Variants in TMEM178B observed in about 807,000 individuals in gnomAD.
TMEM178B encodes transmembrane protein 178B.
A neutral mutation model predicts 31.0 loss-of-function variants in TMEM178B; 5 were observed. That is an observed-to-expected ratio of 0.16 (90% CI 0.08 to 0.34). The LOEUF (loss-of-function observed/expected upper bound fraction) is 0.34, where lower values mean the gene tolerates loss of function less well. Ranked by LOEUF, TMEM178B falls within the 10% of genes least tolerant of loss-of-function variation. The probability of loss-of-function intolerance (pLI) is 1.00; values close to 1 mark genes in which losing one functional copy is unlikely to be tolerated. For synonymous variants in TMEM178B, 164 were observed against 164.0 expected, an observed-to-expected ratio of 1.00 and a Z score of 0.00; for missense variants, 275 against 400.3, an observed-to-expected ratio of 0.69 and a Z score of 2.67.
intron 1 of TMEM178B, among the ~76,000 whole-genome samples, chr7:141,137,035 A>G (rs1795686379): frequency 6.6e-6 from 1 of 152,246 alleles, no homozygotes; most frequent in Admixed American, 6.5e-5. Flanking sequence ...TAGAATGGCT[A>G]TGATGAAAAA....
chr7:141,297,583 A>G (rs1215353701), intron 2 of TMEM178B, among the ~76,000 whole-genome samples: 1 of 151,944 alleles, frequency 6.6e-6, no homozygotes, highest in Non-Finnish European at 1.5e-5. Flanking sequence ...TTCAATTCCC[A>G]CCTATGAGTG....
intron 1 of TMEM178B, among the ~76,000 whole-genome samples, chr7:141,128,923 G>A (rs991296022): frequency 1.3e-5 from 2 of 152,002 alleles, no homozygotes; most frequent in African/African-American, 4.8e-5. Context: ...CACCATGATT[G>A]GAGATATATT....
chr7:141,108,529 A>G (rs150059230), intron 1 of TMEM178B, among the ~76,000 whole-genome samples: 131 of 152,298 alleles, frequency 8.6e-4, no homozygotes, highest in African/African-American at 2.9e-3. Flanking sequence ...GATTGCATCA[A>G]TTCTTGGTAT....
At position 141,211,353 on chromosome 7, in the gene TMEM178B, A is replaced by T. The variant is rs375086986; in HGVS notation, c.383-1238A>T. 5.0e-4 allele frequency among the ~76,000 whole-genome samples: 76 copies of T among 152,324 alleles called. 1 individual carries two copies. The South Asian group carries it at 0.015, about 31-fold the overall frequency. ...GCAACTGGGCAGTTGTCCAGATATGATTTACAATAAGGCATCAGTTTCATG... is the reference window on the plus strand; with the variant it reads ...GCAACTGGGCAGTTGTCCAGATATGTTTTACAATAAGGCATCAGTTTCATG... On this transcript the variant is annotated intron_variant, in intron 1 of 3. Coordinates refer to ENST00000565468, the MANE Select transcript of TMEM178B (RefSeq NM_001195278.2).
At chr7:141,500,303 C>A in the TMEM178B span, among the ~76,000 whole-genome samples, 1 of 152,134 alleles carries the variant, frequency 6.6e-6, no homozygotes, top group South Asian at 2.1e-4. Context: ...CATAATGAAG[C>A]CAATACTGCA....
At chr7:141,230,233 G>C (rs1422803419) in intron 2 of TMEM178B, among the ~76,000 whole-genome samples, 2 of 152,084 alleles carry the variant, frequency 1.3e-5, no homozygotes, top group African/African-American at 4.8e-5. Flanking sequence ...CCCAGAATTG[G>C]AACTACTGGC....
chr7:141,397,255 TTAAG>T (rs776177874), intron 2 of TMEM178B, among the ~76,000 whole-genome samples: 15 of 152,226 alleles, frequency 9.9e-5, no homozygotes, highest in Non-Finnish European at 1.9e-4. Flanking sequence ...AAAAACCAAT[TTAAG>T]TAAGCAGAGC....
At chr7:141,354,190 G>A (rs921009319) in intron 2 of TMEM178B, among the ~76,000 whole-genome samples, 1 of 152,148 alleles carries the variant, frequency 6.6e-6, no homozygotes, top group Non-Finnish European at 1.5e-5. Flanking sequence ...AAAGTCTCCA[G>A]GAGGCAGTAG....
chr7:141,445,970 T>G (rs1418246454), intron 3 of TMEM178B, among the ~76,000 whole-genome samples: 3 of 152,222 alleles, frequency 2.0e-5, no homozygotes, highest in Non-Finnish European at 4.4e-5. Context: ...GTATCTTGCC[T>G]CTTGGAAAGT....
intron 2 of TMEM178B, among the ~76,000 whole-genome samples, chr7:141,434,560 G>A (rs1801498985): frequency 6.6e-6 from 1 of 152,162 alleles, no homozygotes; most frequent in African/African-American, 2.4e-5. Context: ...TGCATAGAAT[G>A]TATAATGATC....
intron 1 of TMEM178B, among the ~76,000 whole-genome samples, chr7:141,104,137 A>G (rs1795102387): frequency 6.6e-6 from 1 of 152,264 alleles, no homozygotes; most frequent in African/African-American, 2.4e-5. Context: ...ATGTAAAACA[A>G]ACATGATTTG....
At chr7:141,424,384 C>T (rs753736508) in intron 2 of TMEM178B, among the ~76,000 whole-genome samples, 6 of 152,166 alleles carry the variant, frequency 3.9e-5, no homozygotes, top group Non-Finnish European at 7.3e-5. Context: ...ACAGTACATG[C>T]GCACTGTTGG....
the TMEM178B span, among the ~76,000 whole-genome samples, chr7:141,500,398 A>G: frequency 6.6e-6 from 1 of 152,196 alleles, no homozygotes; most frequent in African/African-American, 2.4e-5. Context: ...GAGGAAGTGC[A>G]CTTCAAGAAT....
At chr7:141,193,509 G>A (rs1167736583) in intron 1 of TMEM178B, among the ~76,000 whole-genome samples, 1 of 152,214 alleles carries the variant, frequency 6.6e-6, no homozygotes, top group Non-Finnish European at 1.5e-5. Context: ...GGGTCCCAGG[G>A]GGTACCCACT....
chr7:141,278,681 G>T (rs113331095), intron 2 of TMEM178B, among the ~76,000 whole-genome samples: 7 of 152,258 alleles, frequency 4.6e-5, no homozygotes, highest in African/African-American at 1.7e-4. Context: ...TGTTGAGTAA[G>T]GAGCAATTCC....
intron 1 of TMEM178B, among the ~76,000 whole-genome samples, chr7:141,075,563 C>G (rs1229390455): frequency 6.6e-6 from 1 of 152,108 alleles, no homozygotes; most frequent in African/African-American, 2.4e-5. Flanking sequence ...ATGATTTATA[C>G]TTTGGGAACC....
chr7:141,237,596 T>G lies in TMEM178B; in HGVS notation c.496+24892T>G, dbSNP rs115169955. Among the ~76,000 whole-genome samples the G allele has an allele frequency of 4.0e-3, 612 of 152,350 alleles. 2 individuals carry two copies. Among genetic ancestry groups the G allele is most frequent in the African/African-American group, 0.014 (582 of 41,584 alleles). On this transcript the variant is annotated intron_variant, in intron 2 of 3. Transcript: ENST00000565468. ...AATAAACCAAAATGTTGACAGTGATTATCTCTGGGTGGTGGGATTATGAGT... is the reference window on the plus strand; with the variant it reads ...AATAAACCAAAATGTTGACAGTGATGATCTCTGGGTGGTGGGATTATGAGT...
chr7:141,462,409 T>A (rs974708635), intron 3 of TMEM178B, among the ~76,000 whole-genome samples: 1 of 152,002 alleles, frequency 6.6e-6, no homozygotes, highest in Non-Finnish European at 1.5e-5. Context: ...AATAATCACA[T>A]GAACCAGTCG....
intron 2 of TMEM178B, among the ~76,000 whole-genome samples, chr7:141,296,257 G>A (rs576607999): frequency 9.2e-5 from 14 of 152,126 alleles, no homozygotes; most frequent in African/African-American, 2.7e-4. Flanking sequence ...TAGCAGAGAC[G>A]GGGTTTCACC....
Sources: gnomAD v4.1 joint callset for allele counts (sites outside exome capture counted in the v4.1 genomes callset) on GRCh38, gnomAD v4.1.1 for gene constraint, MANE v1.5 for transcripts, NCBI Gene and HGNC (gene_info 2026-07-23, HGNC 2026-07-21) for gene names.